Variants in ENPP3 observed in about 807,000 individuals in gnomAD.
ENPP3 encodes the protein ectonucleotide pyrophosphatase/phosphodiesterase 3.
A neutral mutation model predicts 117.8 loss-of-function variants in ENPP3; 104 were observed. The ratio of observed to expected loss-of-function variants is 0.88; its 90% CI spans 0.75 to 1.04. ENPP3 has a LOEUF of 1.04. ENPP3 is among the 50% of genes least tolerant of loss of function. The pLI, the probability that ENPP3 is intolerant of heterozygous loss-of-function variation, is 0.00. For missense variants in ENPP3, 1,026 were observed against 1,051.9 expected (o/e 0.98, Z 0.34); for synonymous variants, 380 against 349.9 (o/e 1.09, Z -0.96).
intron 11 of ENPP3, among the ~76,000 whole-genome samples, chr6:131,681,370 A>G (rs1779020624): frequency 6.6e-6 from 1 of 152,216 alleles, no homozygotes; most frequent in Admixed American, 6.5e-5. Flanking sequence ...ATAATGCACT[A>G]AAGACCTTAA....
intron 6 of ENPP3, among the ~76,000 whole-genome samples, chr6:131,659,795 T>G (rs1338733374): frequency 6.6e-6 from 1 of 152,216 alleles, no homozygotes; most frequent in African/African-American, 2.4e-5. Flanking sequence ...TAACTAACAC[T>G]TCTCAGTTTC....
At chr6:131,639,263 A>ATTTTTTTTTTTTTTT (rs71030752) in intron 1 of ENPP3, among the ~76,000 whole-genome samples, 1 of 91,274 alleles carries the variant, frequency 1.1e-5, no homozygotes. Context: ...ATATATATAT[A>ATTTTTTTTTTTTTTT]TATTTTTTTT....
Position 131,720,350 on chromosome 6 carries a change from A to T in ENPP3, c.1538A>T (p.Glu513Val). The change falls in exon 17 of 25, where the codon GAA becomes GTA. Residue 513 changes from glutamate (E) to valine (V), a missense_variant. Coordinates refer to ENST00000357639, the MANE Select transcript of ENPP3 (RefSeq NM_005021.5). Reference sequence around the variant, plus strand: ...GAGAAGACTGAAGTTGAACCATTTGAAAATATTGAAGTCTATAACCTAATG... The same window carrying T: ...GAGAAGACTGAAGTTGAACCATTTGTAAATATTGAAGTCTATAACCTAATG... Reference protein sequence around the residue: ...FKEKTEVEPFENIEVYNLMCD... With the variant: ...FKEKTEVEPFVNIEVYNLMCD... 6.3e-7 allele frequency: 1 copy of T among 1,596,022 alleles called. No homozygotes were observed.
In ENPP3 at chr6:131,720,386, A is replaced by G; in HGVS notation, c.1567+7A>G. 1 of 1,418,848 alleles carries G rather than the reference A, an allele frequency of 7.0e-7. No homozygotes were observed. The highest frequency in any genetic ancestry group is 2.1e-5 in the Admixed American group (1 of 48,110). The allele number at this position is 1,418,848 out of a possible 1,614,324, so 87.9% of individuals were successfully genotyped here. Reference sequence around the variant, plus strand: ...GTCTATAACCTAATGTGTGGTAAGTATATTTAAATAAGTTCGCCAACAAAA... The same window carrying G: ...GTCTATAACCTAATGTGTGGTAAGTGTATTTAAATAAGTTCGCCAACAAAA... On this transcript the variant is annotated splice_region_variant and intron_variant, in intron 17 of 24. Transcript: ENST00000357639.
intron 20 of ENPP3, among the ~76,000 whole-genome samples, chr6:131,731,600 A>C (rs2114555146): frequency 6.6e-6 from 1 of 152,310 alleles, no homozygotes; most frequent in South Asian, 2.1e-4. Context: ...GAGAGTAAAC[A>C]TACTGTCTAT....
chr6:131,678,134 T>A (rs933543453), intron 11 of ENPP3, among the ~76,000 whole-genome samples, 194 bp downstream of exon 11: 8 of 152,200 alleles, frequency 5.3e-5, no homozygotes, highest in African/African-American at 1.9e-4. Context: ...ATAGTTGAAA[T>A]TCTAGAAAGG....
chr6:131,660,387 A>C (rs1778474444), intron 6 of ENPP3, among the ~76,000 whole-genome samples: 1 of 152,180 alleles, frequency 6.6e-6, no homozygotes, highest in Admixed American at 6.5e-5. Context: ...AGTGACTGTT[A>C]AGTGGACGAG....
At chr6:131,734,880 A>T (rs1780362809) in intron 21 of ENPP3, among the ~76,000 whole-genome samples, 1 of 150,590 alleles carries the variant, frequency 6.6e-6, no homozygotes, top group African/African-American at 2.5e-5. Context: ...AGCCTGGGTG[A>T]CAGAGTGAGA....
chr6:131,655,373 G>T (rs914287256), intron 5 of ENPP3, among the ~76,000 whole-genome samples: 1 of 152,120 alleles, frequency 6.6e-6, no homozygotes, highest in African/African-American at 2.4e-5. Flanking sequence ...ATTTTACAAA[G>T]AATGAAATGG....
In ENPP3 at chr6:131,641,621, C is replaced by T. The variant is rs1778042683; in HGVS notation, c.154+91C>T. On this transcript the variant is annotated intron_variant, in intron 2 of 24. Transcript: ENST00000357639. ...AAAATGTATCTCCCATCCCAAGCCTCCTCTGTCCTCCATGCAGCATTCTGC... is the reference window on the plus strand; with the variant it reads ...AAAATGTATCTCCCATCCCAAGCCTTCTCTGTCCTCCATGCAGCATTCTGC... The T allele has an allele frequency of 5.3e-5, 41 of 778,148 alleles. 1 individual carries two copies. In the South Asian group the frequency reaches 6.1e-4, roughly 12 times the overall value. 48.2% of individuals were successfully genotyped at this position (778,148 alleles called of 1,614,324 possible). A position where few individuals can be genotyped will look rare whatever the true frequency, so the allele number is the denominator to read the frequency against.
At chr6:131,645,026 A>T (rs1778126533) in intron 2 of ENPP3, among the ~76,000 whole-genome samples, 1 of 152,140 alleles carries the variant, frequency 6.6e-6, no homozygotes, top group Non-Finnish European at 1.5e-5. Flanking sequence ...ACTTTTTGAG[A>T]CCCATCAGAA....
chr6:131,683,357 C>A (rs1477083189), intron 12 of ENPP3, among the ~76,000 whole-genome samples, 195 bp downstream of exon 12: 1 of 152,132 alleles, frequency 6.6e-6, no homozygotes, highest in Non-Finnish European at 1.5e-5. Context: ...TATTCTGATA[C>A]CCCTGAAAAC....
chr6:131,674,454 GGTT>G (rs1346198287), intron 8 of ENPP3, 173 bp downstream of exon 8: 20 of 657,460 alleles, frequency 3.0e-5, no homozygotes, highest in Non-Finnish European at 4.9e-5. Flanking sequence ...AAACATTTAT[GGTT>G]GTTAACTCAA....
At chr6:131,656,505 C>T (rs112035159) in intron 5 of ENPP3, among the ~76,000 whole-genome samples, 5,688 of 152,202 alleles carry the variant, frequency 0.037, 175 homozygotes, top group African/African-American at 0.083. Flanking sequence ...TGGTGGCTCA[C>T]GCCTGTAATC....
At chr6:131,693,137 C>A (rs191413338) in intron 14 of ENPP3, among the ~76,000 whole-genome samples, 114 of 145,490 alleles carry the variant, frequency 7.8e-4, no homozygotes, top group East Asian at 4.1e-3. Flanking sequence ...ACACACACAC[C>A]CCCAGGAATA....
intron 2 of ENPP3, among the ~76,000 whole-genome samples, chr6:131,645,597 A>G (rs925232788): frequency 1.7e-4 from 26 of 152,224 alleles, no homozygotes; most frequent in African/African-American, 6.0e-4. Flanking sequence ...AACAGGATGC[A>G]TGAGAGAGAT....
chr6:131,684,089 T>C (rs747117588), intron 12 of ENPP3, among the ~76,000 whole-genome samples: 1 of 152,138 alleles, frequency 6.6e-6, no homozygotes, highest in Non-Finnish European at 1.5e-5. Context: ...CAATGATAGG[T>C]ACTTTCCTAG....
chr6:131,660,255 C>G (rs1778470841), intron 6 of ENPP3, among the ~76,000 whole-genome samples: 1 of 152,184 alleles, frequency 6.6e-6, no homozygotes, highest in African/African-American at 2.4e-5. Context: ...TATGTGACAG[C>G]AGGCCTTGCT....
chr6:131,664,725 G>A (rs1585635815), intron 6 of ENPP3, among the ~76,000 whole-genome samples: 1 of 152,222 alleles, frequency 6.6e-6, no homozygotes, highest in East Asian at 1.9e-4. Flanking sequence ...TTACCACTGT[G>A]TTACAATTGC....
Sources: allele counts gnomAD v4.1 joint callset (sites outside exome capture counted in the v4.1 genomes callset), GRCh38; gene constraint gnomAD v4.1.1; transcripts MANE v1.5; gene names NCBI Gene and HGNC (gene_info 2026-07-23, HGNC 2026-07-21).